ACTR3C: variants seen among roughly 807,000 people sequenced by gnomAD.
ACTR3C encodes the protein actin related protein 3C.
Under a neutral mutation model 26.3 loss-of-function variants are expected in ACTR3C, and 18 were observed. The ratio of observed to expected loss-of-function variants is 0.68; its 90% confidence interval spans 0.47 to 1.01. The LOEUF is 1.01. Among genes scored for constraint, ACTR3C ranks in the 50% least tolerant of loss-of-function variants. ACTR3C has a pLI of 0.00. For missense variants in ACTR3C, 184 were observed against 250.7 expected, an observed-to-expected ratio of 0.73 and a Z score of 1.80; for synonymous variants, 55 against 94.5, an observed-to-expected ratio of 0.58 and a Z score of 2.42.
the ACTR3C span, among the ~76,000 whole-genome samples, chr7:149,924,196 TGG>T: frequency 6.7e-6 from 1 of 149,874 alleles, no homozygotes; most frequent in Admixed American, 6.7e-5. Context: ...GCCAACATGG[TGG>T]AAGCCCGTCT....
the ACTR3C span, among the ~76,000 whole-genome samples, chr7:150,209,520 T>C: frequency 9.0e-3 from 1,366 of 150,992 alleles, 23 homozygotes; most frequent in Non-Finnish European, 0.013. Context: ...AATATTTTCA[T>C]ATGGTGTTAG....
the ACTR3C span, among the ~76,000 whole-genome samples, chr7:150,079,996 A>G: frequency 6.6e-6 from 1 of 152,084 alleles, no homozygotes; most frequent in African/African-American, 2.4e-5. Context: ...CTCACTTGCA[A>G]TTTTCAGAGC....
the ACTR3C span, among the ~76,000 whole-genome samples, chr7:150,094,542 C>T: frequency 6.6e-5 from 10 of 150,632 alleles, 1 homozygote; most frequent in East Asian, 5.8e-4. Context: ...GCCAGTTCCC[C>T]GTAACTGTAC....
chr7:150,315,708 T>A (rs1042833857), intron 1 of ACTR3C, among the ~76,000 whole-genome samples: 6 of 152,226 alleles, frequency 3.9e-5, no homozygotes, highest in Non-Finnish European at 8.8e-5. Context: ...AGTTCTTGTA[T>A]GTCTTTTCCA....
chr7:150,038,804 G>T, the ACTR3C span, among the ~76,000 whole-genome samples: 3 of 142,412 alleles, frequency 2.1e-5, no homozygotes, highest in Non-Finnish European at 3.1e-5. Flanking sequence ...CTCGCGGGGG[G>T]TGCCTCCCCC....
chr7:150,164,055 T>C, the ACTR3C span, among the ~76,000 whole-genome samples: 1 of 152,238 alleles, frequency 6.6e-6, no homozygotes, highest in South Asian at 2.1e-4. Flanking sequence ...TATGCTGGCA[T>C]CATAGAAGAA....
the ACTR3C span, among the ~76,000 whole-genome samples, chr7:150,103,308 G>A: frequency 2.6e-5 from 4 of 151,942 alleles, no homozygotes; most frequent in Non-Finnish European, 5.9e-5. Flanking sequence ...CAGACATAAT[G>A]GGAAGTGAAT....
chr7:150,040,749 C>T, the ACTR3C span: 15 of 146,406 alleles, frequency 1.0e-4, no homozygotes, highest in South Asian at 2.2e-4. Context: ...CCCCGATGGG[C>T]GTCCTAAGCC....
At chr7:149,924,938 G>A in the ACTR3C span, among the ~76,000 whole-genome samples, 2 of 152,132 alleles carry the variant, frequency 1.3e-5, no homozygotes, top group East Asian at 3.9e-4. Flanking sequence ...CCAGTGACAA[G>A]TTTTTATATC....
chr7:150,170,327 A>G, the ACTR3C span, among the ~76,000 whole-genome samples: 91 of 150,984 alleles, frequency 6.0e-4, no homozygotes, highest in South Asian at 0.013. Context: ...TGAAGGTGGC[A>G]TCTCTTCAAC....
the ACTR3C span, among the ~76,000 whole-genome samples, chr7:150,011,071 C>T: frequency 6.7e-6 from 1 of 149,848 alleles, no homozygotes. Context: ...GAAAGTTTCT[C>T]CAAGTTGCCT....
At chr7:149,965,696 A>G in the ACTR3C span, among the ~76,000 whole-genome samples, 2 of 152,262 alleles carry the variant, frequency 1.3e-5, no homozygotes, top group Admixed American at 6.5e-5. Context: ...CTAAAACTGC[A>G]TATCACACCC....
In ACTR3C at chr7:150,323,469, C is replaced by A; in HGVS notation, c.-52G>T. The A allele has an allele frequency of 5.0e-6, 2 of 401,634 alleles. No individual in the cohort carries two copies. Among genetic ancestry groups the A allele is most frequent in the South Asian group, 1.7e-5 (1 of 58,242 alleles). The allele number at this position is 401,634 out of a possible 1,614,324, so 24.9% of individuals were successfully genotyped here. A position where few individuals can be genotyped will look rare whatever the true frequency, so the allele number is the denominator to read the frequency against. Reference sequence around the variant, plus strand: ...CGGGCGGCGGGGCTGCGGCTCTTACCTGCCGAGGAGGCGCCGGCTCTGCGG... The same window carrying A: ...CGGGCGGCGGGGCTGCGGCTCTTACATGCCGAGGAGGCGCCGGCTCTGCGG... On this transcript the variant is annotated splice_region_variant and 5_prime_UTR_variant, in exon 1 of 8. Coordinates refer to ENST00000683684, the MANE Select transcript of ACTR3C (RefSeq NM_001164458.2).
At chr7:150,129,150 C>T in the ACTR3C span, among the ~76,000 whole-genome samples, 11 of 151,724 alleles carry the variant, frequency 7.3e-5, no homozygotes, top group African/African-American at 1.7e-4. Context: ...AATAATCACA[C>T]GTCAAAATTC....
the ACTR3C span, among the ~76,000 whole-genome samples, chr7:150,228,516 G>T: frequency 1.3e-5 from 2 of 152,118 alleles, no homozygotes; most frequent in Non-Finnish European, 2.9e-5. Context: ...AATTACAAGG[G>T]TCTACATAAG....
the ACTR3C span, among the ~76,000 whole-genome samples, chr7:150,038,490 C>T: frequency 2.8e-5 from 4 of 143,980 alleles, no homozygotes; most frequent in East Asian, 5.9e-4. Context: ...TGACCTCATA[C>T]AAAGGCTTGG....
chr7:150,208,117 A>C, the ACTR3C span, among the ~76,000 whole-genome samples: 2 of 152,192 alleles, frequency 1.3e-5, no homozygotes, highest in Non-Finnish European at 2.9e-5. Context: ...GGAGTAAATG[A>C]GGAGAGTCCC....
chr7:150,138,801 A>G, the ACTR3C span, among the ~76,000 whole-genome samples: 3 of 152,288 alleles, frequency 2.0e-5, no homozygotes, highest in African/African-American at 7.2e-5. Flanking sequence ...GCCGCTCCCC[A>G]TCGCTCGCAT....
intron 6 of ACTR3C, among the ~76,000 whole-genome samples, chr7:150,275,811 T>G (rs1563169337): frequency 6.6e-6 from 1 of 152,206 alleles, no homozygotes; most frequent in African/African-American, 2.4e-5. Flanking sequence ...AACATGAATT[T>G]TAGATTGGAA....
Sources: gnomAD v4.1 joint callset for allele counts (sites outside exome capture counted in the v4.1 genomes callset) on GRCh38, gnomAD v4.1.1 for gene constraint, MANE v1.5 for transcripts, NCBI Gene and HGNC (gene_info 2026-07-23, HGNC 2026-07-21) for gene names.